LARGE1: variants seen among roughly 807,000 people sequenced by gnomAD.
The protein encoded by LARGE1 is LARGE xylosyl- and glucuronyltransferase 1.
LARGE1 carries 43 observed loss-of-function variants against 87.6 expected under a neutral mutation model. That is an observed-to-expected ratio of 0.49 (90% CI 0.38 to 0.63). The LOEUF (loss-of-function observed/expected upper bound fraction) is 0.63. Among genes scored for constraint, LARGE1 ranks in the 30% least tolerant of loss-of-function variants. The pLI is 0.00. For synonymous variants in LARGE1, 434 were observed against 394.6 expected, an observed-to-expected ratio of 1.10 and a Z score of -1.18; for missense variants, 802 against 1,000.2, an observed-to-expected ratio of 0.80 and a Z score of 2.67.
chr22:33,622,899 G>A (rs555931558), intron 4 of LARGE1, among the ~76,000 whole-genome samples: 25 of 152,230 alleles, frequency 1.6e-4, no homozygotes, highest in Non-Finnish European at 3.5e-4. Flanking sequence ...TATTACTACC[G>A]CTATTTTTTA....
At chr22:33,712,218 G>GA (rs3216426) in intron 2 of LARGE1, among the ~76,000 whole-genome samples, 4 of 150,550 alleles carry the variant, frequency 2.7e-5, no homozygotes, top group Admixed American at 6.6e-5. Flanking sequence ...GGGGATGGGG[G>GA]AAAAAAAAAG....
intron 11 of LARGE1, among the ~76,000 whole-genome samples, chr22:33,190,417 G>A (rs1424596791): frequency 6.6e-6 from 1 of 152,140 alleles, no homozygotes; most frequent in Non-Finnish European, 1.5e-5. Flanking sequence ...TACCACTCCA[G>A]CTGCAATATG....
At chr22:33,369,158 C>A (rs112342421) in intron 9 of LARGE1, among the ~76,000 whole-genome samples, 1,778 of 152,226 alleles carry the variant, frequency 0.012, 22 homozygotes, top group African/African-American at 0.035. Context: ...AAATCCTGCC[C>A]CTGCTTTATC....
intron 2 of LARGE1, among the ~76,000 whole-genome samples, chr22:33,752,042 A>G (rs748274500): frequency 1.3e-5 from 2 of 152,310 alleles, no homozygotes; most frequent in Non-Finnish European, 2.9e-5. Flanking sequence ...TTGGCCTCCC[A>G]AAGTGCTGGG....
At chr22:33,588,435 C>T (rs1350622637) in intron 5 of LARGE1, among the ~76,000 whole-genome samples, 1 of 152,140 alleles carries the variant, frequency 6.6e-6, no homozygotes, top group Non-Finnish European at 1.5e-5. Context: ...TTTCAGGTAA[C>T]ATAGTGAACT....
intron 1 of LARGE1, among the ~76,000 whole-genome samples, chr22:33,897,581 T>C: frequency 6.6e-6 from 1 of 151,928 alleles, no homozygotes; most frequent in East Asian, 1.9e-4. Context: ...CCAGTGAAGG[T>C]GAAATCAGAG....
intron 7 of LARGE1, among the ~76,000 whole-genome samples, chr22:33,416,555 TG>T (rs1054144160): frequency 6.6e-6 from 1 of 151,960 alleles, no homozygotes; most frequent in Non-Finnish European, 1.5e-5. Context: ...GTGTTTTTTT[TG>T]GGGGGCGGGG....
intron 5 of LARGE1, among the ~76,000 whole-genome samples, chr22:33,602,123 C>T (rs139152096): frequency 1.3e-5 from 2 of 152,232 alleles, no homozygotes; most frequent in African/African-American, 4.8e-5. Context: ...GCTGTCATGT[C>T]GTGTACACTG....
In LARGE1 at chr22:33,441,626, T is replaced by A. The variant is rs531086713; in HGVS notation, c.788-9361A>T. 6.6e-5 allele frequency among the ~76,000 whole-genome samples: 10 copies of A among 152,122 alleles called. No homozygotes were observed. The East Asian group carries it at 1.7e-3, about 27-fold the overall frequency. ...GTATGCCACCACATCCAGCTAACTT[T>A]AAATTTTTTTTTGTAGACATGGGGG... On this transcript the variant is annotated intron_variant, in intron 6 of 14. Transcript: ENST00000397394.
At chr22:33,549,781 C>T (rs2077470386) in intron 6 of LARGE1, among the ~76,000 whole-genome samples, 1 of 152,152 alleles carries the variant, frequency 6.6e-6, no homozygotes, top group Admixed American at 6.5e-5. Context: ...TGTTCCCAGC[C>T]CTGTGTCCAA....
Position 33,337,771 on chromosome 22 carries a change from G to A in LARGE1, c.1162C>T (p.Arg388Trp), listed in dbSNP as rs767127452. 11 of 1,614,164 alleles carry A rather than the reference G, an allele frequency of 6.8e-6. No individual in the cohort carries two copies. Among genetic ancestry groups the A allele is most frequent in the East Asian group, 2.2e-5 (1 of 44,884 alleles). ...VIHWNSPKKL[R>W]VKNKHVEFFR... ...AACTCCACATGCTTGTTCTTCACCC[G>A]GAGCTTCTTGGGGGAGTTCCAGTGA... The change falls in exon 10 of 15, where the codon CGG (arginine) becomes TGG (tryptophan). Residue 388 changes from arginine (R) to tryptophan (W), a missense_variant. Arg to Trp is a moderately radical substitution (Grantham distance 101). This residue lies in a region of LARGE1 where 625 missense variants were observed against 841.9 expected (regional missense o/e 0.74). Transcript: ENST00000397394.
intron 2 of LARGE1, among the ~76,000 whole-genome samples, chr22:33,673,098 C>T (rs1248840624): frequency 6.6e-6 from 1 of 152,044 alleles, no homozygotes; most frequent in African/African-American, 2.4e-5. Context: ...CATGGTGAAA[C>T]CCCGTCTCTA....
At chr22:33,660,090 G>GTGTGT (rs1419985722) in intron 2 of LARGE1, among the ~76,000 whole-genome samples, 2 of 125,442 alleles carry the variant, frequency 1.6e-5, no homozygotes, top group African/African-American at 5.7e-5. Context: ...GTGTGTGTGT[G>GTGTGT]TTTTTTTTTT....
intron 5 of LARGE1, among the ~76,000 whole-genome samples, 199 bp from the exon 6 acceptor site, chr22:33,565,218 T>C (rs2077987407): frequency 6.6e-6 from 1 of 152,216 alleles, no homozygotes; most frequent in Non-Finnish European, 1.5e-5. Context: ...GGAAAATGTA[T>C]CTGAATTAAG....
chr22:33,292,978 A>T (rs940444442), intron 12 of LARGE1, among the ~76,000 whole-genome samples: 1 of 152,222 alleles, frequency 6.6e-6, no homozygotes, highest in Non-Finnish European at 1.5e-5. Context: ...CCAACACCTA[A>T]ACCTTGGGCA....
rs756255025 is a variant in LARGE1, at chr22:33,277,228, T to C, written c.1905A>G (p.Ala635=). 2.5e-6 allele frequency: 4 copies of C among 1,614,162 alleles called. No homozygotes were observed. Among genetic ancestry groups the C allele is most frequent in the Admixed American group, 1.7e-5 (1 of 60,022 alleles). Residue 635 remains alanine, a synonymous_variant, in exon 14 of 15, where the codon GCA becomes GCG. Coordinates refer to ENST00000397394, the MANE Select transcript of LARGE1 (RefSeq NM_133642.5). ...FRYHVWTKGH[A]PTNFAKWRTA... ...TCCGCCACTTGGCGAAGTTTGTGGGTGCGTGGCCTTTCGTCCAGACGTGGT... is the reference window on the plus strand; with the variant it reads ...TCCGCCACTTGGCGAAGTTTGTGGGCGCGTGGCCTTTCGTCCAGACGTGGT...
chr22:33,363,425 G>A (rs940139376), intron 9 of LARGE1, among the ~76,000 whole-genome samples: 1 of 149,536 alleles, frequency 6.7e-6, no homozygotes. Flanking sequence ...AAGGGAAAAG[G>A]GAAACCCCTT....
intron 6 of LARGE1, among the ~76,000 whole-genome samples, chr22:33,547,560 A>C (rs9609818): frequency 0.45 from 67,834 of 151,722 alleles, 15,734 homozygotes; most frequent in Admixed American, 0.52. Flanking sequence ...CTTTAGGAGG[A>C]CGAGGCAGGT....
chr22:33,346,406 G>A (rs994690296), intron 9 of LARGE1, among the ~76,000 whole-genome samples: 5 of 151,918 alleles, frequency 3.3e-5, no homozygotes, highest in Non-Finnish European at 5.9e-5. Context: ...CGGTTTAAGC[G>A]ATTCTCCCGC....
Sources: gnomAD v4.1 joint callset for allele counts (sites outside exome capture counted in the v4.1 genomes callset) on GRCh38, gnomAD v4.1.1 for gene constraint, gnomAD v4.1.1 regional missense constraint, MANE v1.5 for transcripts, NCBI Gene and HGNC (gene_info 2026-07-23, HGNC 2026-07-21) for gene names.